CADM2: variants seen among roughly 807,000 people sequenced by gnomAD.
CADM2 encodes immunoglobulin superfamily member 4D.
Under a neutral mutation model 49.8 loss-of-function variants are expected in CADM2, and 12 were observed. That is an observed-to-expected ratio of 0.24 (90% CI 0.15 to 0.39). The LOEUF (loss-of-function observed/expected upper bound fraction) is 0.39, where lower values mean the gene tolerates loss of function less well. Among genes scored for constraint, CADM2 ranks in the 10% least tolerant of loss-of-function variants. CADM2 has a pLI of 1.00. For missense variants in CADM2, 378 were observed against 492.3 expected (o/e 0.77, Z 2.20); for synonymous variants, 214 against 175.4 (o/e 1.22, Z -1.74).
At chr3:85,973,652 A>C (rs1052881954) in intron 8 of CADM2, among the ~76,000 whole-genome samples, 1 of 151,798 alleles carries the variant, frequency 6.6e-6, no homozygotes. Flanking sequence ...TTACAAACTG[A>C]TTATGTAAAC....
At chr3:85,842,287 G>A (rs2074673337) in intron 3 of CADM2, among the ~76,000 whole-genome samples, 2 of 152,086 alleles carry the variant, frequency 1.3e-5, no homozygotes, top group African/African-American at 4.8e-5. Flanking sequence ...CTTCCCAAAT[G>A]GCTGAGGCTG....
intron 5 of CADM2, among the ~76,000 whole-genome samples, chr3:85,911,276 T>G (rs184808758): frequency 6.6e-6 from 1 of 152,290 alleles, no homozygotes; most frequent in East Asian, 1.9e-4. Flanking sequence ...CCTCTTCTTA[T>G]CAGCTACTTC....
intron 1 of CADM2, among the ~76,000 whole-genome samples, chr3:85,662,839 A>T (rs954389443): frequency 8.5e-5 from 13 of 152,222 alleles, no homozygotes; most frequent in Non-Finnish European, 1.5e-4. Flanking sequence ...CTCTACTAAA[A>T]TATGAACATC....
At chr3:85,082,508 C>T (rs769042023) in intron 1 of CADM2, among the ~76,000 whole-genome samples, 1 of 152,104 alleles carries the variant, frequency 6.6e-6, no homozygotes, top group Non-Finnish European at 1.5e-5. Flanking sequence ...TTGAAAAATG[C>T]AAAGCCCTTT....
intron 1 of CADM2, among the ~76,000 whole-genome samples, chr3:85,213,387 T>C (rs2041847607): frequency 6.6e-6 from 1 of 152,104 alleles, no homozygotes; most frequent in African/African-American, 2.4e-5. Context: ...CTTTAAATAT[T>C]TCATGCTACT....
intron 2 of CADM2, among the ~76,000 whole-genome samples, chr3:85,780,249 G>A (rs1323508607): frequency 6.6e-6 from 1 of 152,148 alleles, no homozygotes; most frequent in Non-Finnish European, 1.5e-5. Context: ...TACTGGACAG[G>A]CAATGATACT....
At position 86,072,286 on chromosome 3, in the gene CADM2, A is replaced by G. The variant is rs1703325861; in HGVS notation, c.*5503A>G. 6.6e-6 allele frequency: 1 copy of G among 151,784 alleles called. No individual in the cohort carries two copies. The highest frequency in any genetic ancestry group is 1.9e-4 in the East Asian group (1 of 5,184). 9.4% of individuals were successfully genotyped at this position (151,784 alleles called of 1,614,324 possible). The stretch of plus-strand genomic sequence containing the variant: ...GTTGATCTTCACATATTTTATATGC[A>G]TATATATATCAAGAAGTTATATATA... On this transcript the variant is annotated 3_prime_UTR_variant, in exon 10 of 10. Coordinates refer to ENST00000383699, the MANE Select transcript of CADM2 (RefSeq NM_001167675.2).
chr3:85,910,654 G>A (rs1259514108), intron 5 of CADM2, among the ~76,000 whole-genome samples: 1 of 152,044 alleles, frequency 6.6e-6, no homozygotes, highest in Non-Finnish European at 1.5e-5. Context: ...ATGGAATTGA[G>A]ACTTCATGGT....
rs114819565 is a variant in CADM2, at chr3:85,592,561, G to A, written c.62-133961G>A. ...ATTTAACTGTTTTTCATGGTTTTGG[G>A]TCAACAATACCTTTATATCTAGACC... On this transcript the variant is annotated intron_variant, in intron 1 of 9. Coordinates refer to ENST00000383699, the MANE Select transcript of CADM2 (RefSeq NM_001167675.2). Among the ~76,000 whole-genome samples the A allele has an allele frequency of 8.3e-4, 126 of 151,874 alleles. 1 individual carries two copies. The highest frequency in any genetic ancestry group is 3.0e-3 in the African/African-American group (123 of 41,462).
Position 85,530,322 on chromosome 3 carries a change from G to GTTTTTTT in CADM2, c.62-196180_62-196174dup, listed in dbSNP as rs57504567. ...TGAGTCAGTTAGACTTCTTTTCTCC[G>GTTTTTTT]TTTTTTTTTTTTTTTTTTTTTTTTT... On this transcript the variant is annotated intron_variant, in intron 1 of 9. Coordinates refer to ENST00000383699, the MANE Select transcript of CADM2 (RefSeq NM_001167675.2). Among the ~76,000 whole-genome samples, 50 of 31,280 alleles carry GTTTTTTT rather than the reference G, an allele frequency of 1.6e-3. 5 individuals are homozygous for GTTTTTTT. The highest frequency in any genetic ancestry group is 1.8e-3 in the Non-Finnish European group (20 of 11,050). The allele number at this position is 31,280 out of a possible 152,430, so 20.5% of individuals were successfully genotyped here.
At chr3:85,601,130 GTATATATATATATATATATA>G (rs375011644) in intron 1 of CADM2, among the ~76,000 whole-genome samples, 24 of 109,602 alleles carry the variant, frequency 2.2e-4, no homozygotes, top group East Asian at 9.1e-4. Flanking sequence ...ATATATGTGT[GTATATATATATATATATATA>G]TATATATATA....
chr3:86,028,900 C>G (rs1195423503), intron 8 of CADM2, among the ~76,000 whole-genome samples: 1 of 152,046 alleles, frequency 6.6e-6, no homozygotes, highest in Non-Finnish European at 1.5e-5. Context: ...TTAATGGCTG[C>G]CCTTTTATAG....
At chr3:85,202,600 A>G (rs2041533034) in intron 1 of CADM2, among the ~76,000 whole-genome samples, 1 of 152,166 alleles carries the variant, frequency 6.6e-6, no homozygotes, top group South Asian at 2.1e-4. Context: ...TAGGCAGAGT[A>G]GATTTAGTAT....
chr3:85,459,507 A>G (rs1302223476), intron 1 of CADM2, among the ~76,000 whole-genome samples: 1 of 152,170 alleles, frequency 6.6e-6, no homozygotes, highest in Non-Finnish European at 1.5e-5. Context: ...CTACTGATAA[A>G]TGGTGTGTAG....
At chr3:86,024,185 A>G (rs1046526529) in intron 8 of CADM2, among the ~76,000 whole-genome samples, 3 of 152,164 alleles carry the variant, frequency 2.0e-5, no homozygotes, top group African/African-American at 7.2e-5. Context: ...TACATTGCCT[A>G]TTTGACCCCA....
chr3:85,332,571 T>A, intron 1 of CADM2, among the ~76,000 whole-genome samples: 1 of 152,128 alleles, frequency 6.6e-6, no homozygotes, highest in African/African-American at 2.4e-5. Context: ...TTAGGTCAGT[T>A]GTTGGACTTA....
At chr3:85,492,402 C>T (rs1263883323) in intron 1 of CADM2, among the ~76,000 whole-genome samples, 3 of 151,960 alleles carry the variant, frequency 2.0e-5, no homozygotes, top group East Asian at 1.9e-4. Flanking sequence ...GACCAGCCTA[C>T]CCAACATGGT....
At chr3:85,388,660 T>A (rs989107164) in intron 1 of CADM2, among the ~76,000 whole-genome samples, 1 of 152,106 alleles carries the variant, frequency 6.6e-6, no homozygotes, top group Non-Finnish European at 1.5e-5. Flanking sequence ...GAACAACATA[T>A]GCTAGAATGA....
intron 3 of CADM2, among the ~76,000 whole-genome samples, chr3:85,872,005 G>T (rs948897992): frequency 8.5e-5 from 13 of 152,112 alleles, no homozygotes; most frequent in African/African-American, 1.2e-4. Context: ...TCCTGCATTG[G>T]AAGACTATTT....
Sources: allele counts gnomAD v4.1 joint callset (sites outside exome capture counted in the v4.1 genomes callset), GRCh38; gene constraint gnomAD v4.1.1; transcripts MANE v1.5; gene names NCBI Gene and HGNC (gene_info 2026-07-23, HGNC 2026-07-21).